The following NBAS variants were observed in gnomAD, a reference collection of about 807,000 sequenced individuals.
NBAS encodes the protein NBAS subunit of NRZ tethering complex.
A neutral mutation model predicts 302.5 loss-of-function variants in NBAS; 219 were observed. The observed-to-expected ratio is 0.72, with a 90% confidence interval of 0.65 to 0.81. NBAS has a LOEUF of 0.81. Among genes scored for constraint, NBAS ranks in the 30% least tolerant of loss-of-function variants. NBAS has a pLI of 0.00. For synonymous variants in NBAS, 1,118 were observed against 1,021.6 expected, an observed-to-expected ratio of 1.09 and a Z score of -1.80; for missense variants, 2,932 against 2,841.6, an observed-to-expected ratio of 1.03 and a Z score of -0.72.
the NBAS span, among the ~76,000 whole-genome samples, chr2:14,844,392 C>T: frequency 6.6e-6 from 1 of 152,190 alleles, no homozygotes; most frequent in Non-Finnish European, 1.5e-5. Flanking sequence ...GAATAATCAG[C>T]AGTGATACCC....
intron 40 of NBAS, among the ~76,000 whole-genome samples, chr2:15,293,204 G>C (rs12613488): frequency 6.6e-6 from 1 of 152,042 alleles, no homozygotes; most frequent in African/African-American, 2.4e-5. Context: ...AATAACAAAG[G>C]TGCAGTTCAA....
the NBAS span, among the ~76,000 whole-genome samples, chr2:15,138,555 G>C: frequency 2.0e-5 from 3 of 152,078 alleles, 1 homozygote; most frequent in African/African-American, 4.8e-5. Flanking sequence ...ATGGGACAAA[G>C]AGCCCAGGAC....
chr2:15,362,948 C>A (rs1265809254), intron 32 of NBAS, among the ~76,000 whole-genome samples: 1 of 152,040 alleles, frequency 6.6e-6, no homozygotes, highest in Non-Finnish European at 1.5e-5. Flanking sequence ...TGGGGCCAGG[C>A]GCAGTGGTTC....
chr2:15,130,927 G>A, the NBAS span, among the ~76,000 whole-genome samples: 3 of 152,148 alleles, frequency 2.0e-5, no homozygotes, highest in African/African-American at 4.8e-5. Flanking sequence ...GAACCTTCAT[G>A]TATATTTATT....
intron 26 of NBAS, among the ~76,000 whole-genome samples, chr2:15,401,923 T>C (rs1676172104): frequency 6.6e-6 from 1 of 152,126 alleles, no homozygotes; most frequent in Non-Finnish European, 1.5e-5. Context: ...TAGGAAATTA[T>C]CATGTTTGAC....
At chr2:15,221,728 G>GA (rs1226984201) in intron 47 of NBAS, among the ~76,000 whole-genome samples, 43 of 152,112 alleles carry the variant, frequency 2.8e-4, no homozygotes, top group African/African-American at 1.0e-3. Context: ...AGAACAGCAA[G>GA]AAAAAACCAG....
At chr2:14,866,485 A>T in the NBAS span, among the ~76,000 whole-genome samples, 1 of 152,092 alleles carries the variant, frequency 6.6e-6, no homozygotes, top group Non-Finnish European at 1.5e-5. Flanking sequence ...AATATTATCC[A>T]TATTTTTATT....
the NBAS span, among the ~76,000 whole-genome samples, chr2:15,139,327 G>T: frequency 6.6e-6 from 1 of 152,188 alleles, no homozygotes; most frequent in Non-Finnish European, 1.5e-5. Flanking sequence ...AAGCATTTAA[G>T]ACCCCCCGAT....
At chr2:15,423,509 G>C (rs1677309583) in intron 23 of NBAS, among the ~76,000 whole-genome samples, 1 of 152,062 alleles carries the variant, frequency 6.6e-6, no homozygotes, top group Admixed American at 6.6e-5. Flanking sequence ...TAAAAAACTT[G>C]TCACTGACTT....
intron 35 of NBAS, among the ~76,000 whole-genome samples, chr2:15,341,829 G>A (rs1412472050): frequency 6.6e-6 from 1 of 152,088 alleles, no homozygotes; most frequent in Admixed American, 6.6e-5. Flanking sequence ...GCATGACAAT[G>A]AGCAAAGTAT....
At chr2:15,373,222 A>G (rs1461061001) in intron 31 of NBAS, among the ~76,000 whole-genome samples, 1 of 152,240 alleles carries the variant, frequency 6.6e-6, no homozygotes, top group Non-Finnish European at 1.5e-5. Flanking sequence ...CCAGTGATTT[A>G]GCAATCACAT....
At chr2:15,170,406 A>G (rs1664240782) in intron 51 of NBAS, among the ~76,000 whole-genome samples, 2 of 152,170 alleles carry the variant, frequency 1.3e-5, no homozygotes, top group African/African-American at 4.8e-5. Flanking sequence ...GAGAATGCCT[A>G]AGGCTAAAGA....
At chr2:14,966,476 C>A in the NBAS span, among the ~76,000 whole-genome samples, 1 of 152,176 alleles carries the variant, frequency 6.6e-6, no homozygotes, top group Admixed American at 6.6e-5. Context: ...CGTCAGTCCC[C>A]CAGTACAGCT....
At chr2:15,279,919 C>T (rs1000897984) in intron 42 of NBAS, among the ~76,000 whole-genome samples, 2 of 152,098 alleles carry the variant, frequency 1.3e-5, no homozygotes, top group Non-Finnish European at 2.9e-5. Context: ...TTCCAAAGAA[C>T]CCATATTCAA....
chr2:15,321,328 G>C (rs945181176), intron 38 of NBAS, among the ~76,000 whole-genome samples: 2 of 152,128 alleles, frequency 1.3e-5, no homozygotes, highest in Middle Eastern at 3.2e-3. Context: ...TCAGGACATA[G>C]GCCTGGGCAA....
chr2:15,440,478 G>C (rs936346472), intron 21 of NBAS, among the ~76,000 whole-genome samples: 1 of 152,150 alleles, frequency 6.6e-6, no homozygotes, highest in African/African-American at 2.4e-5. Flanking sequence ...CTAACAAACA[G>C]AAAGGACATC....
chr2:15,203,916 G>A (rs554377209), intron 48 of NBAS, among the ~76,000 whole-genome samples: 11 of 151,508 alleles, frequency 7.3e-5, no homozygotes, highest in East Asian at 5.8e-4. Context: ...GTGTGTGTGT[G>A]TGTGTGTGTG....
chr2:15,190,435 G>A (rs1287227217), intron 48 of NBAS, 32 bp from the exon 49 acceptor site: 4 of 1,612,882 alleles, frequency 2.5e-6, no homozygotes, highest in Non-Finnish European at 3.4e-6. Context: ...TAAAGCTGGT[G>A]GCAAAGGCTA....
the NBAS span, among the ~76,000 whole-genome samples, chr2:15,132,647 C>T: frequency 6.6e-6 from 1 of 152,026 alleles, no homozygotes; most frequent in Non-Finnish European, 1.5e-5. Context: ...AGCAAATGTG[C>T]AGGGTGTTCA....
Sources: allele counts gnomAD v4.1 joint callset (sites outside exome capture counted in the v4.1 genomes callset), GRCh38; gene constraint gnomAD v4.1.1; transcripts MANE v1.5; gene names NCBI Gene and HGNC (gene_info 2026-07-23, HGNC 2026-07-21).